CLDN16: variants seen among roughly 807,000 people sequenced by gnomAD.
CLDN16 encodes the protein claudin-16.
CLDN16 carries 13 observed loss-of-function variants against 24.6 expected under a neutral mutation model. The ratio of observed to expected loss-of-function variants is 0.53; its 90% confidence interval spans 0.34 to 0.84. The LOEUF is 0.84. Among genes scored for constraint, CLDN16 ranks in the 40% least tolerant of loss-of-function variants. The pLI, the probability that CLDN16 is intolerant of heterozygous loss-of-function variation, is 0.01. For missense variants in CLDN16, 298 were observed against 292.7 expected (o/e 1.02, Z -0.13); for synonymous variants, 116 against 106.7 (o/e 1.09, Z -0.54).
At chr3:190,331,177 T>C (rs1005935501) in intron 1 of CLDN16, among the ~76,000 whole-genome samples, 1 of 152,204 alleles carries the variant, frequency 6.6e-6, no homozygotes, top group Non-Finnish European at 1.5e-5. Flanking sequence ...TGCCTGCCCT[T>C]AGTGCTGCAG....
In CLDN16 at chr3:190,398,393, C is replaced by T. The variant is rs138881737; in HGVS notation, c.115-3944C>T. On this transcript the variant is annotated intron_variant, in intron 1 of 4. Coordinates refer to ENST00000264734, the MANE Select transcript of CLDN16 (RefSeq NM_006580.4). ...CAGCTTCTGGTGGCTGTAGGCATTCCTTGACTTGTAGCTTTATCCCTCCAA... is the reference window on the plus strand; with the variant it reads ...CAGCTTCTGGTGGCTGTAGGCATTCTTTGACTTGTAGCTTTATCCCTCCAA... 3.3e-3 allele frequency among the ~76,000 whole-genome samples: 498 copies of T among 152,284 alleles called. 4 individuals carry two copies. The highest frequency in any genetic ancestry group is 0.011 in the African/African-American group (473 of 41,566).
intron 3 of CLDN16, among the ~76,000 whole-genome samples, chr3:190,381,796 A>G (rs769228270): frequency 5.9e-4 from 90 of 152,084 alleles, no homozygotes; most frequent in Non-Finnish European, 2.1e-4. Context: ...TCAACCTAAC[A>G]GTTTATAGAG....
intron 1 of CLDN16, among the ~76,000 whole-genome samples, chr3:190,397,296 T>C (rs1469031284): frequency 6.6e-6 from 1 of 151,978 alleles, no homozygotes; most frequent in Non-Finnish European, 1.5e-5. Flanking sequence ...TAGCATTGTT[T>C]TAACGTTATT....
intron 1 of CLDN16, among the ~76,000 whole-genome samples, chr3:190,389,076 A>G (rs1718583883): frequency 6.6e-6 from 1 of 152,190 alleles, no homozygotes; most frequent in Admixed American, 6.5e-5. Context: ...GGAACTGACT[A>G]CTATTCAAAA....
upstream of CLDN16, among the ~76,000 whole-genome samples, chr3:190,317,657 T>G (rs570373127): frequency 2.6e-5 from 4 of 152,294 alleles, no homozygotes; most frequent in South Asian, 8.3e-4. Flanking sequence ...TAGTCATCTC[T>G]TGGTATATAA....
At chr3:190,310,050 G>C in the CLDN16 span, 1 of 797,776 alleles carries the variant, frequency 1.3e-6, no homozygotes, top group South Asian at 1.5e-5. Context: ...ATTGTTTGTA[G>C]GTTTGACATA....
Position 190,405,688 on chromosome 3 carries a change from G to A in CLDN16, c.382+762G>A, listed in dbSNP as rs368987688. On this transcript the variant is annotated intron_variant, in intron 3 of 4. Coordinates refer to ENST00000264734, the MANE Select transcript of CLDN16 (RefSeq NM_006580.4). ...ACTTGTCCCACGTACTAACCCATTTGTTCATAAATGTAACAATAAACAGAT... is the reference window on the plus strand; with the variant it reads ...ACTTGTCCCACGTACTAACCCATTTATTCATAAATGTAACAATAAACAGAT... 5.9e-5 allele frequency among the ~76,000 whole-genome samples: 9 copies of A among 152,146 alleles called. No individual in the cohort carries two copies. The East Asian group carries it at 1.7e-3, about 29-fold the overall frequency.
upstream of CLDN16, among the ~76,000 whole-genome samples, chr3:190,321,329 C>A (rs977641640): frequency 2.0e-5 from 3 of 152,128 alleles, no homozygotes; most frequent in African/African-American, 7.2e-5. Flanking sequence ...TACAGAAGAC[C>A]TTGGGTCTGA....
chr3:190,408,835 A>G (rs1205893557), intron 4 of CLDN16, among the ~76,000 whole-genome samples: 1 of 145,788 alleles, frequency 6.9e-6, no homozygotes, highest in Non-Finnish European at 1.5e-5. Context: ...TATATATACT[A>G]TATACATATA....
chr3:190,316,677 T>C, the CLDN16 span, among the ~76,000 whole-genome samples: 1 of 152,218 alleles, frequency 6.6e-6, no homozygotes, highest in Non-Finnish European at 1.5e-5. Flanking sequence ...AGATATTTAT[T>C]CCTATTTCCA....
intron 1 of CLDN16, among the ~76,000 whole-genome samples, chr3:190,331,680 C>A (rs1276270723): frequency 6.6e-6 from 1 of 152,154 alleles, no homozygotes; most frequent in Non-Finnish European, 1.5e-5. Flanking sequence ...CACGGATAGT[C>A]TCTGTTGAAA....
At chr3:190,342,430 T>G (rs1476194018) in intron 1 of CLDN16, among the ~76,000 whole-genome samples, 2 of 152,158 alleles carry the variant, frequency 1.3e-5, no homozygotes, top group African/African-American at 4.8e-5. Context: ...AATAATGACC[T>G]AGGTGAAACA....
intron 1 of CLDN16, among the ~76,000 whole-genome samples, chr3:190,346,015 G>C (rs1208815541): frequency 6.6e-6 from 1 of 152,032 alleles, no homozygotes; most frequent in Non-Finnish European, 1.5e-5. Context: ...GTCTTACAGT[G>C]TAAGTGACAA....
upstream of CLDN16, chr3:190,322,366 G>A: frequency 1.4e-6 from 1 of 699,458 alleles, no homozygotes; most frequent in Non-Finnish European, 2.5e-6. Flanking sequence ...GCTCTGGGTC[G>A]GGGTTGGGGT....
the CLDN16 span, among the ~76,000 whole-genome samples, chr3:190,293,121 G>A: frequency 2.4e-4 from 37 of 152,174 alleles, no homozygotes; most frequent in Non-Finnish European, 4.6e-4. Flanking sequence ...GGCTGGGGAG[G>A]CCTCAGAAAA....
chr3:190,323,766 C>T (rs1172090181), intron 1 of CLDN16, among the ~76,000 whole-genome samples: 1 of 152,210 alleles, frequency 6.6e-6, no homozygotes, highest in Admixed American at 6.5e-5. Flanking sequence ...ACCTGGCTCT[C>T]CCTGGATGCC....
intron 4 of CLDN16, among the ~76,000 whole-genome samples, chr3:190,409,092 T>A (rs2108520466): frequency 6.6e-6 from 1 of 151,464 alleles, no homozygotes; most frequent in East Asian, 2.0e-4. Context: ...AGTATTGTAA[T>A]TCAGTTGCCC....
chr3:190,350,070 C>T (rs934479523), intron 1 of CLDN16, among the ~76,000 whole-genome samples: 6 of 152,042 alleles, frequency 3.9e-5, no homozygotes, highest in Admixed American at 2.6e-4. Flanking sequence ...AATAGATGAG[C>T]GGACCAGGCA....
rs890091664 is a variant in CLDN16, at chr3:190,402,572, T to A, written c.217+133T>A. 6.9e-6 allele frequency: 5 copies of A among 723,662 alleles called. No individual in the cohort carries two copies. In the Admixed American group the frequency reaches 9.9e-5, roughly 14 times the overall value. The allele number at this position is 723,662 out of a possible 1,614,324, so 44.8% of individuals were successfully genotyped here. A position where few individuals can be genotyped will look rare whatever the true frequency, so the allele number is the denominator to read the frequency against. ...GGTCCAGTTTGTAATGGTTAGAAATTGAGCTCATCTCGGAAATGTGAATTG... is the reference window on the plus strand; with the variant it reads ...GGTCCAGTTTGTAATGGTTAGAAATAGAGCTCATCTCGGAAATGTGAATTG... On this transcript the variant is annotated intron_variant, in intron 2 of 4. Coordinates refer to ENST00000264734, the MANE Select transcript of CLDN16 (RefSeq NM_006580.4).
Sources: gnomAD v4.1 joint callset for allele counts (sites outside exome capture counted in the v4.1 genomes callset) on GRCh38, gnomAD v4.1.1 for gene constraint, MANE v1.5 for transcripts, NCBI Gene and HGNC (gene_info 2026-07-23, HGNC 2026-07-21) for gene names.